Variants in ADIPOQ observed in about 807,000 individuals in gnomAD.
ADIPOQ encodes adiponectin.
A neutral mutation model predicts 16.1 loss-of-function variants in ADIPOQ; 19 were observed. The observed-to-expected ratio is 1.18, with a 90% CI of 0.82 to 1.73. The LOEUF (loss-of-function observed/expected upper bound fraction) is 1.73, where lower values mean the gene tolerates loss of function less well. ADIPOQ is among the 40% of genes most tolerant of loss of function. ADIPOQ has a pLI of 0.00. For synonymous variants in ADIPOQ, 124 were observed against 125.5 expected, an observed-to-expected ratio of 0.99 and a Z score of 0.08; for missense variants, 323 against 308.3, an observed-to-expected ratio of 1.05 and a Z score of -0.36.
In ADIPOQ at chr3:186,855,118, A is replaced by G. The variant is rs1375906321; in HGVS notation, c.*414A>G. 2 of 266,462 alleles carry G rather than the reference A, an allele frequency of 7.5e-6. No homozygotes were observed. The highest frequency in any genetic ancestry group is 7.3e-6 in the Non-Finnish European group (1 of 137,514). The allele number at this position is 266,462 out of a possible 1,614,324, so 16.5% of individuals were successfully genotyped here. A position where few individuals can be genotyped will look rare whatever the true frequency, so the allele number is the denominator to read the frequency against. On this transcript the variant is annotated 3_prime_UTR_variant, in exon 3 of 3. Transcript: ENST00000320741. Reference sequence around the variant, plus strand: ...CTAGAAATCAAACCCAGAGCTGTGGACTTTGTTCACTAGACTGTGCCCTTT... The same window carrying G: ...CTAGAAATCAAACCCAGAGCTGTGGGCTTTGTTCACTAGACTGTGCCCTTT...
Position 186,854,397 on chromosome 3 carries a change from A to G in ADIPOQ, c.428A>G (p.Tyr143Cys), listed in dbSNP as rs781622433. 6 of 1,614,200 alleles carry G rather than the reference A, an allele frequency of 3.7e-6. No homozygotes were observed. The highest frequency in any genetic ancestry group is 2.2e-5 in the East Asian group (1 of 44,884). ...ATCTTCTACAATCAGCAAAACCACT[A>G]TGATGGCTCCACTGGTAAATTCCAC... ...TKIFYNQQNH[Y>C]DGSTGKFHCN... Residue 143 changes from tyrosine to cysteine, a missense_variant, in exon 3 of 3, where the codon TAT becomes TGT. Tyr to Cys is a radical substitution (Grantham distance 194). Coordinates refer to ENST00000320741, the MANE Select transcript of ADIPOQ (RefSeq NM_004797.4).
Position 186,856,362 on chromosome 3 carries a change from TAC to T in ADIPOQ, c.*1660_*1661del, listed in dbSNP as rs1003621399. 1 of 152,228 alleles carries T rather than the reference TAC, an allele frequency of 6.6e-6. No individual in the cohort carries two copies. The highest frequency in any genetic ancestry group is 2.4e-5 in the African/African-American group (1 of 41,466). The allele number at this position is 152,228 out of a possible 1,614,324, so 9.4% of individuals were successfully genotyped here. On this transcript the variant is annotated 3_prime_UTR_variant, in exon 3 of 3. Transcript: ENST00000320741. ...AAATTTAAAAAACTATCTTTTTGCT[TAC>T]AGTTTTAAATTCTGAACAATTCTCT...
rs16861220 is a variant in ADIPOQ at position 186,852,723 on chromosome 3, G to A, written c.-8-328G>A. On this transcript the variant is annotated intron_variant, in intron 1 of 2. Transcript: ENST00000320741. ...CCCAAGGATGGATTCTTGGCAAGTC[G>A]ACTCTTGGAGCTTTCCCTGTGCTTG... 917 of 285,042 alleles carry A rather than the reference G, an allele frequency of 3.2e-3. 10 individuals are homozygous for A. Among genetic ancestry groups the A allele is most frequent in the African/African-American group, 0.018 (855 of 46,654 alleles). 17.7% of individuals were successfully genotyped at this position (285,042 alleles called of 1,614,324 possible).
chr3:186,850,394 T>C lies in ADIPOQ; in HGVS notation c.-8-2657T>C, dbSNP rs115920553. On this transcript the variant is annotated intron_variant, in intron 1 of 2. Transcript: ENST00000320741. The stretch of plus-strand genomic sequence containing the variant: ...AAAGCTGATGAGGGTAGTTAAGGTA[T>C]GCCCTTTTATACACACACTAATGAT... 9.0e-3 allele frequency among the ~76,000 whole-genome samples: 1,372 copies of C among 152,086 alleles called. 16 individuals are homozygous for C. Among genetic ancestry groups the C allele is most frequent in the African/African-American group, 0.031 (1,272 of 41,482 alleles).
rs192249161 is a variant in ADIPOQ, at chr3:186,852,972, G to A, written c.-8-79G>A. The A allele has an allele frequency of 1.5e-4, 223 of 1,465,660 alleles. 1 individual carries two copies. In the African/African-American group the frequency reaches 2.1e-3, roughly 14 times the overall value. 90.8% of individuals were successfully genotyped at this position (1,465,660 alleles called of 1,614,324 possible). A position where few individuals can be genotyped will look rare whatever the true frequency, so the allele number is the denominator to read the frequency against. On this transcript the variant is annotated intron_variant, in intron 1 of 2. Transcript: ENST00000320741. ...AGAAGTAGACTCTGCTGAGATGGAC[G>A]GAGTCCTTTGTAGGTCCCAACTGGG...
Position 186,854,676 on chromosome 3 carries a change from G to T in ADIPOQ, c.707G>T (p.Gly236Val). 6.2e-7 allele frequency: 1 copy of T among 1,614,106 alleles called. No individual in the cohort carries two copies. The highest frequency in any genetic ancestry group is 1.1e-5 in the South Asian group (1 of 91,080). ...AATGACAATGACTCCACCTTCACAG[G>T]CTTTCTTCTCTACCATGACACCAAC... Reference protein sequence around the residue: ...ADNDNDSTFTGFLLYHDTN With the variant: ...ADNDNDSTFTVFLLYHDTN Residue 236 changes from glycine (G) to valine (V), a missense_variant, in exon 3 of 3, where the codon GGC (glycine) becomes GTC (valine). Gly to Val is a moderately radical substitution (Grantham distance 109). Transcript: ENST00000320741.
At position 186,854,803 on chromosome 3, in the gene ADIPOQ, C is replaced by T; in HGVS notation, c.*99C>T. 1 of 1,455,250 alleles carries T rather than the reference C, an allele frequency of 6.9e-7. No homozygotes were observed. The highest frequency in any genetic ancestry group is 9.5e-7 in the Non-Finnish European group (1 of 1,052,264). The allele number at this position is 1,455,250 out of a possible 1,614,324, so 90.1% of individuals were successfully genotyped here. On this transcript the variant is annotated 3_prime_UTR_variant, in exon 3 of 3. Coordinates refer to ENST00000320741, the MANE Select transcript of ADIPOQ (RefSeq NM_004797.4). ...AGTTGATTATTATTTAGTTGGAGGCCTTTAGATATTATTCATTCATTTACT... is the reference window on the plus strand; with the variant it reads ...AGTTGATTATTATTTAGTTGGAGGCTTTTAGATATTATTCATTCATTTACT...
chr3:186,853,502 C>A, intron 2 of ADIPOQ, among the ~76,000 whole-genome samples: 2 of 152,324 alleles, frequency 1.3e-5, no homozygotes, highest in Middle Eastern at 6.8e-3. Flanking sequence ...TTTCCATCCC[C>A]TTTCCCATCT....
At chr3:186,843,943 C>T (rs1436002356) in intron 1 of ADIPOQ, among the ~76,000 whole-genome samples, 1 of 152,020 alleles carries the variant, frequency 6.6e-6, no homozygotes, top group East Asian at 1.9e-4. Context: ...GACATGGATC[C>T]CTGGTCTGGA....
chr3:186,848,289 A>G (rs55657441), intron 1 of ADIPOQ, among the ~76,000 whole-genome samples: 13 of 90,850 alleles, frequency 1.4e-4, no homozygotes, highest in East Asian at 3.5e-4. Context: ...AAGGAAGGAA[A>G]GAAGGAAGGA....
chr3:186,852,750 TC>T, intron 1 of ADIPOQ: 1 of 369,068 alleles, frequency 2.7e-6, no homozygotes, highest in Non-Finnish European at 5.0e-6. Flanking sequence ...CTGTGCTTGG[TC>T]CTGTGCTCAG....
At chr3:186,849,989 C>G (rs1711692606) in intron 1 of ADIPOQ, among the ~76,000 whole-genome samples, 1 of 152,198 alleles carries the variant, frequency 6.6e-6, no homozygotes, top group South Asian at 2.1e-4. Flanking sequence ...GAGGCAAGGA[C>G]TGGGCGTGGT....
chr3:186,850,098 G>C (rs574813139), intron 1 of ADIPOQ, among the ~76,000 whole-genome samples: 12 of 151,870 alleles, frequency 7.9e-5, no homozygotes, highest in Non-Finnish European at 1.5e-4. Context: ...GTGAAACCCC[G>C]TCTCTACTAA....
At chr3:186,852,781 G>A (rs994891446) in intron 1 of ADIPOQ, 2 of 446,710 alleles carry the variant, frequency 4.5e-6, no homozygotes, top group Admixed American at 7.1e-5. Context: ...AATTAGAGGA[G>A]TGTCATCTGT....
chr3:186,854,581 T>C lies in ADIPOQ; in HGVS notation c.612T>C (p.His204=), dbSNP rs779348237. The C allele has an allele frequency of 6.2e-7, 1 of 1,614,050 alleles. No individual in the cohort carries two copies. The highest frequency in any genetic ancestry group is 1.7e-5 in the Admixed American group (1 of 60,026). Residue 204 remains histidine (H), a synonymous_variant, in exon 3 of 3, where the codon CAT becomes CAC. Transcript: ENST00000320741. ...VDQASGSVLL[H]LEVGDQVWLQ... ...AGGCCTCCGGCTCTGTGCTCCTGCATCTGGAGGTGGGCGACCAAGTCTGGC... is the reference window on the plus strand; with the variant it reads ...AGGCCTCCGGCTCTGTGCTCCTGCACCTGGAGGTGGGCGACCAAGTCTGGC...
chr3:186,853,364 G>T (rs1711860561), intron 2 of ADIPOQ, 92 bp downstream of exon 2: 3 of 1,456,732 alleles, frequency 2.1e-6, no homozygotes, highest in African/African-American at 1.4e-5. Context: ...CCTAGACACA[G>T]GGAGAAAGCA....
chr3:186,844,757 G>C (rs1711538262), intron 1 of ADIPOQ, among the ~76,000 whole-genome samples: 1 of 151,950 alleles, frequency 6.6e-6, no homozygotes, highest in Non-Finnish European at 1.5e-5. Context: ...TATTGGCTGG[G>C]GGGCCTCAAA....
chr3:186,856,282 T>A lies in ADIPOQ; in HGVS notation c.*1578T>A, dbSNP rs181947216. 2 of 152,348 alleles carry A rather than the reference T, an allele frequency of 1.3e-5. No homozygotes were observed. Among genetic ancestry groups the A allele is most frequent in the African/African-American group, 4.8e-5 (2 of 41,590 alleles). 9.4% of individuals were successfully genotyped at this position (152,348 alleles called of 1,614,324 possible). A position where few individuals can be genotyped will look rare whatever the true frequency, so the allele number is the denominator to read the frequency against. ...TCTCAGGAGACAATAACTCCAGTGA[T>A]GTTCTTCAAAGATTTTAGCAAAAAC... On this transcript the variant is annotated 3_prime_UTR_variant, in exon 3 of 3. Coordinates refer to ENST00000320741, the MANE Select transcript of ADIPOQ (RefSeq NM_004797.4).
Position 186,853,240 on chromosome 3 carries a change from C to A in ADIPOQ, c.182C>A (p.Thr61Asn), listed in dbSNP as rs775932441. 6 of 1,611,572 alleles carry A rather than the reference C, an allele frequency of 3.7e-6. No individual in the cohort carries two copies. Among genetic ancestry groups the A allele is most frequent in the South Asian group, 1.1e-5 (1 of 90,756 alleles). ...GAPGRDGRDG[T>N]PGEKGEKGDP... ...CCAGGCCGTGATGGCAGAGATGGCA[C>A]CCCTGGTGAGAAGGGTGAGAAAGGA... is the stretch of plus-strand genomic sequence containing the variant. Residue 61 changes from threonine to asparagine, a missense_variant, in exon 2 of 3, where the codon ACC becomes AAC. Transcript: ENST00000320741.
Sources: gnomAD v4.1 joint callset for allele counts (sites outside exome capture counted in the v4.1 genomes callset) on GRCh38, gnomAD v4.1.1 for gene constraint, MANE v1.5 for transcripts, NCBI Gene and HGNC (gene_info 2026-07-23, HGNC 2026-07-21) for gene names.